The following PKHD1 variants were observed in gnomAD, a reference collection of about 807,000 sequenced individuals.
The protein encoded by PKHD1 is fibrocystin.
Under a neutral mutation model 412.0 loss-of-function variants are expected in PKHD1, and 291 were observed. That is an observed-to-expected ratio of 0.71 (90% CI 0.64 to 0.78). The LOEUF is 0.78. Ranked by LOEUF, PKHD1 falls within the 30% of genes least tolerant of loss-of-function variation. The pLI, the probability that PKHD1 is intolerant of heterozygous loss-of-function variation, is 0.00. For synonymous variants in PKHD1, 1,777 were observed against 1,821.5 expected, an observed-to-expected ratio of 0.98 and a Z score of 0.62; for missense variants, 4,825 against 4,950.7, an observed-to-expected ratio of 0.97 and a Z score of 0.76.
chr6:51,928,369 C>A (rs1786021681), intron 37 of PKHD1, among the ~76,000 whole-genome samples: 2 of 152,138 alleles, frequency 1.3e-5, no homozygotes, highest in African/African-American at 2.4e-5. Context: ...AAAATAAAAT[C>A]TATTCTGAGT....
chr6:51,779,237 C>T (rs1450700205), intron 53 of PKHD1, among the ~76,000 whole-genome samples: 1 of 152,144 alleles, frequency 6.6e-6, no homozygotes. Context: ...CTTTTTGACA[C>T]ACTTAATAGC....
At position 51,981,310 on chromosome 6, in the gene PKHD1, G is replaced by GCTCC. The variant is rs1562045792; in HGVS notation, c.5752-21285_5752-21284insGGAG. Among the ~76,000 whole-genome samples the GCTCC allele has an allele frequency of 3.1e-4, 4 of 12,910 alleles. 1 individual carries two copies. The highest frequency in any genetic ancestry group is 1.2e-3 in the Non-Finnish European group (4 of 3,422). The allele number at this position is 12,910 out of a possible 152,430, so 8.5% of individuals were successfully genotyped here. ...CTTTTAGAGAGGCTCCAAAGCTCAA[G>GCTCC]CTCTCCCTCTCCCTCTCCCTCTCCC... On this transcript the variant is annotated intron_variant, in intron 35 of 66. Transcript: ENST00000371117.
At chr6:52,019,421 T>A (rs929391369) in intron 33 of PKHD1, among the ~76,000 whole-genome samples, 4 of 152,208 alleles carry the variant, frequency 2.6e-5, no homozygotes, top group African/African-American at 4.8e-5. Flanking sequence ...TTGAATGAAT[T>A]AGAGCAATAA....
intron 60 of PKHD1, among the ~76,000 whole-genome samples, chr6:51,671,263 C>G (rs112299188): frequency 0.14 from 22,038 of 152,016 alleles, 1,597 homozygotes; most frequent in East Asian, 0.27. Context: ...ATTCTTTTTT[C>G]TCTAAACTTC....
chr6:51,753,051 C>A (rs925711326), intron 57 of PKHD1, 150 bp downstream of exon 57: 2 of 697,444 alleles, frequency 2.9e-6, no homozygotes, highest in East Asian at 2.6e-5. Flanking sequence ...CAGATTAGGA[C>A]TGAAAATTCA....
intron 53 of PKHD1, among the ~76,000 whole-genome samples, chr6:51,779,860 A>C (rs1791680548): frequency 6.6e-6 from 1 of 152,164 alleles, no homozygotes; most frequent in Non-Finnish European, 1.5e-5. Context: ...TAACAGGCAT[A>C]GATGGAAAAC....
At chr6:52,086,005 T>C (rs1812712026) in intron 1 of PKHD1, among the ~76,000 whole-genome samples, 3 of 150,028 alleles carry the variant, frequency 2.0e-5, no homozygotes, top group Admixed American at 6.6e-5. Context: ...ACACGTTTAA[T>C]ATATATTTAA....
intron 7 of PKHD1, among the ~76,000 whole-genome samples, chr6:52,073,199 T>C (rs1434527927): frequency 6.6e-6 from 1 of 152,068 alleles, no homozygotes; most frequent in Non-Finnish European, 1.5e-5. Flanking sequence ...AAAAAGAAAA[T>C]CCACAGATGC....
chr6:51,819,784 T>C (rs146721116), intron 52 of PKHD1, among the ~76,000 whole-genome samples: 38 of 152,312 alleles, frequency 2.5e-4, no homozygotes, highest in African/African-American at 8.9e-4. Flanking sequence ...ATGGAATACA[T>C]GTAAATCAAT....
At chr6:51,881,426 T>A (rs1040292839) in intron 46 of PKHD1, among the ~76,000 whole-genome samples, 1 of 152,186 alleles carries the variant, frequency 6.6e-6, no homozygotes, top group Non-Finnish European at 1.5e-5. Context: ...ATGTTGTACA[T>A]TACATCTCTG....
At chr6:51,706,317 C>T (rs933920765) in intron 60 of PKHD1, among the ~76,000 whole-genome samples, 3 of 152,108 alleles carry the variant, frequency 2.0e-5, no homozygotes, top group Non-Finnish European at 2.9e-5. Context: ...CTGCAATCTA[C>T]ATATGGCCCT....
intron 37 of PKHD1, among the ~76,000 whole-genome samples, chr6:51,915,169 A>T (rs1371037230): frequency 6.6e-6 from 1 of 152,032 alleles, no homozygotes; most frequent in Non-Finnish European, 1.5e-5. Context: ...AGGACCTATG[A>T]CTGAACCTGA....
At position 52,030,137 on chromosome 6, in the gene PKHD1, G is replaced by A. The variant is rs145530464; in HGVS notation, c.3365-1786C>T. Among the ~76,000 whole-genome samples the A allele has an allele frequency of 6.6e-5, 10 of 152,250 alleles. No homozygotes were observed. The East Asian group carries it at 1.4e-3, about 21-fold the overall frequency. The stretch of plus-strand genomic sequence containing the variant: ...AGAGCTGGTATCTATGGGATGCCAC[G>A]GCCAATTAGATGAAGAGGAAAAAGA... On this transcript the variant is annotated intron_variant, in intron 29 of 66. Coordinates refer to ENST00000371117, the MANE Select transcript of PKHD1 (RefSeq NM_138694.4).
intron 55 of PKHD1, among the ~76,000 whole-genome samples, chr6:51,766,372 C>G (rs1352818715): frequency 6.6e-6 from 1 of 152,040 alleles, no homozygotes; most frequent in Admixed American, 6.6e-5. Context: ...ATCTACAAAA[C>G]TAGGCTAGTA....
chr6:51,824,415 C>T (rs1232222381), intron 52 of PKHD1, among the ~76,000 whole-genome samples: 2 of 152,020 alleles, frequency 1.3e-5, no homozygotes, highest in African/African-American at 2.4e-5. Flanking sequence ...GGTGAGAACA[C>T]CTGCTCTGTG....
intron 64 of PKHD1, among the ~76,000 whole-genome samples, chr6:51,635,959 C>A (rs1768515915): frequency 6.6e-6 from 1 of 151,616 alleles, no homozygotes; most frequent in South Asian, 2.1e-4. Flanking sequence ...AACCCCACGG[C>A]ACCAAGAAAT....
At chr6:51,743,681 C>A (rs1230511732) in intron 60 of PKHD1, among the ~76,000 whole-genome samples, 1 of 151,932 alleles carries the variant, frequency 6.6e-6, no homozygotes, top group Non-Finnish European at 1.5e-5. Flanking sequence ...ACAAGGGAGA[C>A]CAGAAAAGAA....
intron 64 of PKHD1, among the ~76,000 whole-genome samples, chr6:51,633,347 T>C (rs570408737): frequency 6.6e-6 from 1 of 152,282 alleles, no homozygotes; most frequent in Non-Finnish European, 1.5e-5. Context: ...ACCCCATTAT[T>C]ATTTATGAAA....
chr6:52,019,495 C>A (rs17747779), intron 33 of PKHD1, among the ~76,000 whole-genome samples: 3,232 of 152,150 alleles, frequency 0.021, 58 homozygotes, highest in South Asian at 0.084. Flanking sequence ...AGTTAGTAAG[C>A]CCTAAGGCAA....
Sources: gnomAD v4.1 joint callset for allele counts (sites outside exome capture counted in the v4.1 genomes callset) on GRCh38, gnomAD v4.1.1 for gene constraint, MANE v1.5 for transcripts, NCBI Gene and HGNC (gene_info 2026-07-23, HGNC 2026-07-21) for gene names.